IQSEC3: variants seen among roughly 807,000 people sequenced by gnomAD.
IQSEC3 encodes IQ motif and SEC7 domain-containing protein 3.
A neutral mutation model predicts 105.4 loss-of-function variants in IQSEC3; 50 were observed. That is an observed-to-expected ratio of 0.47 (90% confidence interval 0.38 to 0.60). The LOEUF (loss-of-function observed/expected upper bound fraction) is 0.60, where lower values mean the gene tolerates loss of function less well. IQSEC3 is among the 20% of genes least tolerant of loss of function. IQSEC3 has a pLI of 0.00. For missense variants in IQSEC3, 1,415 were observed against 1,630.0 expected (o/e 0.87, Z 2.27); for synonymous variants, 708 against 746.0 (o/e 0.95, Z 0.83).
chr12:90,810 C>A (rs1864059417), intron 1 of IQSEC3, among the ~76,000 whole-genome samples: 1 of 152,196 alleles, frequency 6.6e-6, no homozygotes, highest in South Asian at 2.1e-4. Flanking sequence ...TCCTCCTCCT[C>A]ACCCCAGGAA....
chr12:150,544 C>T (rs887653681), intron 5 of IQSEC3, among the ~76,000 whole-genome samples: 4 of 152,062 alleles, frequency 2.6e-5, no homozygotes, highest in Non-Finnish European at 4.4e-5. Context: ...AAAGAGTCCA[C>T]CTGGGGAGGG....
In IQSEC3 at chr12:78,562, G is replaced by A. The variant is rs368899493; in HGVS notation, c.554+11126G>A. Among the ~76,000 whole-genome samples, 1,306 of 150,418 alleles carry A rather than the reference G, an allele frequency of 8.7e-3. 18 individuals are homozygous for A. Among genetic ancestry groups the A allele is most frequent in the African/African-American group, 0.03 (1,223 of 40,446 alleles). ...CTTATCTTGGCCTTCTCATGTTTAT[G>A]TTTGTGTTTTATCGCATCACAGTCT... On this transcript the variant is annotated intron_variant, in intron 1 of 13. Coordinates refer to ENST00000538872, the MANE Select transcript of IQSEC3 (RefSeq NM_001170738.2).
chr12:99,439 C>T (rs1255337639), intron 2 of IQSEC3, among the ~76,000 whole-genome samples: 1 of 152,188 alleles, frequency 6.6e-6, no homozygotes, highest in African/African-American at 2.4e-5. Context: ...TCGATCACAC[C>T]CCACACGTAG....
intron 5 of IQSEC3, among the ~76,000 whole-genome samples, chr12:142,930 C>T (rs1431790935): frequency 1.3e-5 from 2 of 152,268 alleles, no homozygotes; most frequent in African/African-American, 4.8e-5. Context: ...CCTGCTGTCT[C>T]TCTGCTCTGG....
At chr12:149,546 C>G (rs1384272651) in intron 5 of IQSEC3, among the ~76,000 whole-genome samples, 1 of 152,212 alleles carries the variant, frequency 6.6e-6, no homozygotes, top group African/African-American at 2.4e-5. Flanking sequence ...CTCTCACTCA[C>G]TCATTCATTC....
chr12:107,391 T>C (rs1864689978), intron 2 of IQSEC3, among the ~76,000 whole-genome samples: 1 of 148,896 alleles, frequency 6.7e-6, no homozygotes, highest in Non-Finnish European at 1.5e-5. Flanking sequence ...TTCCCTCCGG[T>C]AGTCTGTTTT....
At chr12:94,276 T>A (rs74057735) in intron 1 of IQSEC3, among the ~76,000 whole-genome samples, 3 of 152,198 alleles carry the variant, frequency 2.0e-5, no homozygotes, top group Non-Finnish European at 4.4e-5. Context: ...GTGGGCATGA[T>A]CCTTGACAGG....
At chr12:171,245 A>G (rs1938977375) in intron 13 of IQSEC3, 84 bp downstream of exon 13, 1 of 1,613,948 alleles carries the variant, frequency 6.2e-7, no homozygotes, top group Non-Finnish European at 8.5e-7. Context: ...TTCTCTTCTC[A>G]GGTATTAATC....
intron 9 of IQSEC3, among the ~76,000 whole-genome samples, chr12:165,054 G>A (rs1270364373): frequency 1.3e-5 from 2 of 152,212 alleles, no homozygotes; most frequent in African/African-American, 4.8e-5. Context: ...GCAAAAAGCT[G>A]CCGGGAGAGC....
At chr12:165,352 G>A (rs956270444) in intron 9 of IQSEC3, 82 bp from the exon 10 acceptor site, 15 of 1,018,516 alleles carry the variant, frequency 1.5e-5, no homozygotes, top group Admixed American at 3.4e-5. Flanking sequence ...TTGTGTGATC[G>A]TGCATCCCCC....
rs1555099494 is a variant in IQSEC3, at chr12:169,097, C to T, written c.3056C>T (p.Ser1019Leu). ...AQGDPQSKQGSPTAKREAALR... is the reference protein window; with the variant it reads ...AQGDPQSKQGLPTAKREAALR... ...GGGGACCCACAGTCAAAGCAAGGAT[C>T]GCCGACAGGTGAGCCTCGGCTCCGC... The change falls in exon 12 of 14, where the codon TCG becomes TTG. Residue 1019 changes from serine (S) to leucine (L), a missense_variant. Coordinates refer to ENST00000538872, the MANE Select transcript of IQSEC3 (RefSeq NM_001170738.2). 3.7e-6 allele frequency: 6 copies of T among 1,613,834 alleles called. No homozygotes were observed. Among genetic ancestry groups the T allele is most frequent in the South Asian group, 1.1e-5 (1 of 91,080 alleles).
intron 1 of IQSEC3, among the ~76,000 whole-genome samples, chr12:76,351 C>T (rs1466060933): frequency 7.9e-5 from 12 of 152,346 alleles, no homozygotes; most frequent in East Asian, 1.9e-4. Context: ...GCAGGTGGTG[C>T]GCAGGCGTTT....
chr12:101,635 C>G (rs541788227), intron 2 of IQSEC3, among the ~76,000 whole-genome samples: 2 of 152,268 alleles, frequency 1.3e-5, no homozygotes, highest in African/African-American at 4.8e-5. Context: ...GCTGCTGTCT[C>G]TAGTTCCCAG....
At chr12:169,792 G>C (rs1196391468) in intron 12 of IQSEC3, among the ~76,000 whole-genome samples, 2 of 152,216 alleles carry the variant, frequency 1.3e-5, no homozygotes, top group Admixed American at 6.5e-5. Context: ...AGCATGAGGG[G>C]AGATGCATGA....
intron 1 of IQSEC3, among the ~76,000 whole-genome samples, chr12:71,306 C>A (rs4079417): frequency 0.014 from 2,169 of 151,998 alleles, no homozygotes; most frequent in East Asian, 0.12. Flanking sequence ...TGTCAGTCAA[C>A]TATATGTATC....
rs216235 is a variant in IQSEC3, at chr12:178,174, C to G, written c.*3141C>G. ...AGCCCTGCGTCTTCGAGCCCCTGTG[C>G]CACCGGTCCCCACGGCCCGCCAGGA... On this transcript the variant is annotated 3_prime_UTR_variant, in exon 14 of 14. Coordinates refer to ENST00000538872, the MANE Select transcript of IQSEC3 (RefSeq NM_001170738.2). 0.024 allele frequency: 3,546 copies of G among 150,544 alleles called. 147 individuals carry two copies. The highest frequency in any genetic ancestry group is 0.085 in the African/African-American group (3,397 of 39,978). The allele number at this position is 150,544 out of a possible 1,614,324, so 9.3% of individuals were successfully genotyped here. A position where few individuals can be genotyped will look rare whatever the true frequency, so the allele number is the denominator to read the frequency against.
At chr12:129,093 C>T (rs782656563) in intron 3 of IQSEC3, among the ~76,000 whole-genome samples, 59 of 152,342 alleles carry the variant, frequency 3.9e-4, no homozygotes, top group Middle Eastern at 6.8e-3. Flanking sequence ...AGGTCGCAGC[C>T]GAGGCACGTG....
Position 107,502 on chromosome 12 carries a change from C to T in IQSEC3, c.623+8288C>T, listed in dbSNP as rs567327755. Among the ~76,000 whole-genome samples, 155 of 150,998 alleles carry T rather than the reference C, an allele frequency of 1.0e-3. 1 individual carries two copies. The highest frequency in any genetic ancestry group is 1.7e-3 in the Non-Finnish European group (117 of 67,746). ...TCGGCTCACTGCAAGCTCCGCCTCC[C>T]GGGTTCACGCCATTCTCCTGCCTCA... On this transcript the variant is annotated intron_variant, in intron 2 of 13. Coordinates refer to ENST00000538872, the MANE Select transcript of IQSEC3 (RefSeq NM_001170738.2).
intron 2 of IQSEC3, among the ~76,000 whole-genome samples, chr12:104,920 A>G (rs1021037218): frequency 1.3e-5 from 2 of 152,282 alleles, no homozygotes; most frequent in Non-Finnish European, 2.9e-5. Flanking sequence ...CAGTCGATAC[A>G]GTTACGTCTT....
Sources: allele counts gnomAD v4.1 joint callset (sites outside exome capture counted in the v4.1 genomes callset), GRCh38; gene constraint gnomAD v4.1.1; transcripts MANE v1.5; gene names NCBI Gene and HGNC (gene_info 2026-07-23, HGNC 2026-07-21).